The following GRK4 variants were observed in gnomAD, a reference collection of about 807,000 sequenced individuals.
GRK4 encodes the protein G protein-coupled receptor kinase 4.
Under a neutral mutation model 77.9 loss-of-function variants are expected in GRK4, and 73 were observed. The ratio of observed to expected loss-of-function variants is 0.94; its 90% CI spans 0.78 to 1.14. The LOEUF is 1.14. Among genes scored for constraint, GRK4 ranks in the 50% most tolerant of loss-of-function variants. The pLI, the probability that GRK4 is intolerant of heterozygous loss-of-function variation, is 0.00. For missense variants in GRK4, 729 were observed against 700.2 expected (o/e 1.04, Z -0.46); for synonymous variants, 257 against 254.4 (o/e 1.01, Z -0.10).
chr4:3,037,991 T>C (rs914729991), intron 14 of GRK4, among the ~76,000 whole-genome samples: 4 of 150,798 alleles, frequency 2.7e-5, no homozygotes, highest in Non-Finnish European at 1.5e-5. Flanking sequence ...AAGGACCATA[T>C]CAGCAGCTGT....
chr4:3,008,963 C>A (rs58892460), intron 6 of GRK4, among the ~76,000 whole-genome samples: 1 of 152,002 alleles, frequency 6.6e-6, no homozygotes, highest in African/African-American at 2.4e-5. Flanking sequence ...AACGTATATA[C>A]GTCATCTTCT....
At chr4:2,995,218 A>G (rs1258582513) in intron 4 of GRK4, among the ~76,000 whole-genome samples, 2 of 152,168 alleles carry the variant, frequency 1.3e-5, no homozygotes, top group African/African-American at 4.8e-5. Flanking sequence ...TGTGTTTGCT[A>G]TTGCAAATAG....
At chr4:2,975,526 G>A (rs1720855521) in intron 1 of GRK4, among the ~76,000 whole-genome samples, 3 of 152,122 alleles carry the variant, frequency 2.0e-5, no homozygotes, top group Admixed American at 6.6e-5. Flanking sequence ...GGCCCTGTGC[G>A]GGTGGGGAAC....
chr4:2,985,738 C>A (rs1724110002), intron 2 of GRK4: 1 of 326,468 alleles, frequency 3.1e-6, no homozygotes, highest in Admixed American at 4.0e-5. Context: ...GTGGCTCACG[C>A]CCGTAATCCC....
At chr4:3,022,580 TGTGG>T in intron 10 of GRK4, 129 bp downstream of exon 10, 1 of 787,234 alleles carries the variant, frequency 1.3e-6, no homozygotes. Context: ...AGAAAAACTC[TGTGG>T]TATGTGTTCA....
At position 3,007,802 on chromosome 4, in the gene GRK4, G is replaced by A. The variant is rs775940346; in HGVS notation, c.510G>A (p.Gln170=). The A allele has an allele frequency of 2.5e-6, 4 of 1,611,658 alleles. No homozygotes were observed. The highest frequency in any genetic ancestry group is 3.4e-6 in the Non-Finnish European group (4 of 1,178,846). ...EEYQESSYFS[Q]FLQWKWLERQ... Reference sequence around the variant, plus strand: ...ACCAAGAAAGCTCATATTTTTCTCAGTTTTTACAATGGAAATGGCTGGAAA... The same window carrying A: ...ACCAAGAAAGCTCATATTTTTCTCAATTTTTACAATGGAAATGGCTGGAAA... The change falls in exon 6 of 16, where the codon CAG becomes CAA. Residue 170 remains glutamine, a synonymous_variant. Transcript: ENST00000398052.
intron 4 of GRK4, among the ~76,000 whole-genome samples, chr4:2,998,756 A>C (rs1439164713): frequency 6.6e-6 from 1 of 152,204 alleles, no homozygotes; most frequent in Non-Finnish European, 1.5e-5. Context: ...GGATCAGAAG[A>C]CTTAATATTG....
At chr4:2,964,822 A>G (rs1716991906) in intron 1 of GRK4, among the ~76,000 whole-genome samples, 2 of 152,170 alleles carry the variant, frequency 1.3e-5, no homozygotes, top group Admixed American at 1.3e-4. Flanking sequence ...GAAAAGAAGA[A>G]CAAGTTTTCT....
chr4:3,029,337 T>A lies in GRK4; in HGVS notation c.1197T>A (p.Asp399Glu). Residue 399 changes from aspartate to glutamate, a missense_variant, in exon 12 of 16, where the codon GAT (aspartate) becomes GAA (glutamate). Physicochemically the swap from Asp to Glu is conservative, Grantham distance 45 (BLOSUM62 2). Coordinates refer to ENST00000398052, the MANE Select transcript of GRK4 (RefSeq NM_182982.3). ...YKEKVKWEEV[D>E]QRIKNDTEEY... is the part of the protein sequence containing the mutation. ...AGAAAGTCAAATGGGAGGAGGTCGA[T>A]CAAAGAATCAAGAATGATACCGAGG... The A allele has an allele frequency of 6.2e-7, 1 of 1,614,158 alleles. No homozygotes were observed. Among genetic ancestry groups the A allele is most frequent in the African/African-American group, 1.3e-5 (1 of 75,046 alleles).
chr4:3,004,187 A>G (rs1730641830), intron 4 of GRK4, 44 bp from the exon 5 acceptor site: 1 of 1,313,240 alleles, frequency 7.6e-7, no homozygotes, highest in Non-Finnish European at 1.1e-6. Flanking sequence ...CTAGTAAGTT[A>G]TGAAATCACT....
Position 3,030,420 on chromosome 4 carries a change from A to AT in GRK4, c.1269+1021dup, listed in dbSNP as rs531601984. On this transcript the variant is annotated intron_variant, in intron 12 of 15. Coordinates refer to ENST00000398052, the MANE Select transcript of GRK4 (RefSeq NM_182982.3). ...CTTTAAACCAGTATTTTTTTAGCAC[A>AT]TTTTTTTTTTCATTTATTTTCATTC... 1.1e-3 allele frequency among the ~76,000 whole-genome samples: 169 copies of AT among 147,748 alleles called. 2 individuals carry two copies. Among genetic ancestry groups the AT allele is most frequent in the Middle Eastern group, 6.9e-3 (2 of 290 alleles).
chr4:3,037,626 A>G (rs912535237), intron 14 of GRK4, 115 bp downstream of exon 14: 10 of 1,259,492 alleles, frequency 7.9e-6, no homozygotes, highest in Non-Finnish European at 1.1e-5. Flanking sequence ...AGATAAAATT[A>G]TATAAGACGG....
intron 1 of GRK4, chr4:2,966,508 A>G (rs1478981460): frequency 2.0e-5 from 3 of 152,176 alleles, no homozygotes; most frequent in Non-Finnish European, 4.4e-5. Context: ...ATTGAGTGAG[A>G]GTATTTGCTC....
intron 1 of GRK4, among the ~76,000 whole-genome samples, chr4:2,976,631 C>CTTTTTTT (rs769469513): frequency 2.8e-4 from 33 of 117,318 alleles, no homozygotes; most frequent in South Asian, 8.2e-4. Context: ...TTCTTTCTTT[C>CTTTTTTT]TTTTTTTTTT....
At chr4:2,972,024 A>C (rs1458957555) in intron 1 of GRK4, among the ~76,000 whole-genome samples, 1 of 152,138 alleles carries the variant, frequency 6.6e-6, no homozygotes, top group Admixed American at 6.5e-5. Context: ...CTAACTGGGG[A>C]ATAGAACTCT....
intron 12 of GRK4, among the ~76,000 whole-genome samples, chr4:3,034,346 T>A (rs1007989277): frequency 3.3e-5 from 5 of 152,176 alleles, no homozygotes; most frequent in African/African-American, 4.8e-5. Flanking sequence ...TACTTTTCTG[T>A]AAGGCCAGAT....
chr4:3,014,664 G>T (rs1282343018), intron 8 of GRK4, among the ~76,000 whole-genome samples: 1 of 152,050 alleles, frequency 6.6e-6, no homozygotes, highest in Non-Finnish European at 1.5e-5. Flanking sequence ...GGGCCTGGTG[G>T]CGCGTGCCTG....
intron 12 of GRK4, among the ~76,000 whole-genome samples, chr4:3,033,569 T>G (rs760850468): frequency 6.6e-6 from 1 of 152,148 alleles, no homozygotes; most frequent in Non-Finnish European, 1.5e-5. Flanking sequence ...TTCAGATCTG[T>G]TTTATTAATT....
At chr4:3,026,151 T>A (rs1737497395) in intron 10 of GRK4, among the ~76,000 whole-genome samples, 1 of 152,156 alleles carries the variant, frequency 6.6e-6, no homozygotes, top group Non-Finnish European at 1.5e-5. Context: ...TAGAAGTGGG[T>A]GAATTCATAC....
Sources: allele counts gnomAD v4.1 joint callset (sites outside exome capture counted in the v4.1 genomes callset), GRCh38; gene constraint gnomAD v4.1.1; transcripts MANE v1.5; gene names NCBI Gene and HGNC (gene_info 2026-07-23, HGNC 2026-07-21).